SV2C: variants seen among roughly 807,000 people sequenced by gnomAD.
The protein encoded by SV2C is synaptic vesicle glycoprotein 2C, also known as solute carrier family 22 member B3.
SV2C carries 49 observed loss-of-function variants against 79.7 expected under a neutral mutation model. The observed-to-expected ratio is 0.61, with a 90% CI of 0.49 to 0.78. SV2C has a LOEUF of 0.78. Among genes scored for constraint, SV2C ranks in the 30% least tolerant of loss-of-function variants. The pLI is 0.00. For synonymous variants in SV2C, 334 were observed against 333.2 expected, an observed-to-expected ratio of 1.00 and a Z score of -0.03; for missense variants, 833 against 912.9, an observed-to-expected ratio of 0.91 and a Z score of 1.13.
intron 4 of SV2C, among the ~76,000 whole-genome samples, chr5:76,274,514 C>T (rs1746963620): frequency 1.3e-5 from 2 of 151,978 alleles, no homozygotes; most frequent in Non-Finnish European, 2.9e-5. Flanking sequence ...TTTCACTGAG[C>T]AATGTCACTT....
rs147217527 is a variant in SV2C, at chr5:76,143,735, A to G, written c.580+11405A>G. ...TTTCTGCCTTCCTAGTAGTGGTTCTACATCTTCTAGGATTGTGGTTTTAAC... is the reference window on the plus strand; with the variant it reads ...TTTCTGCCTTCCTAGTAGTGGTTCTGCATCTTCTAGGATTGTGGTTTTAAC... On this transcript the variant is annotated intron_variant, in intron 2 of 12. Transcript: ENST00000502798. Among the ~76,000 whole-genome samples, 7 of 152,284 alleles carry G rather than the reference A, an allele frequency of 4.6e-5. No homozygotes were observed. In the East Asian group the frequency reaches 1.4e-3, roughly 29 times the overall value.
chr5:76,160,744 G>T (rs1742874593), intron 2 of SV2C, among the ~76,000 whole-genome samples: 2 of 152,286 alleles, frequency 1.3e-5, no homozygotes, highest in East Asian at 1.9e-4. Flanking sequence ...ATTTCTCCAA[G>T]AAATATTTTC....
the SV2C span, among the ~76,000 whole-genome samples, chr5:76,006,635 T>C: frequency 1.1e-4 from 17 of 152,258 alleles, no homozygotes; most frequent in Middle Eastern, 3.4e-3. Context: ...CTCCCTGGGA[T>C]TGGGAGTGTT....
the SV2C span, among the ~76,000 whole-genome samples, chr5:75,963,393 C>T: frequency 5.5e-4 from 83 of 152,140 alleles, no homozygotes; most frequent in African/African-American, 2.0e-3. Flanking sequence ...TTCTGGCCTC[C>T]CTTATGATTC....
intron 4 of SV2C, among the ~76,000 whole-genome samples, chr5:76,222,842 C>G (rs1745107618): frequency 3.3e-5 from 5 of 152,156 alleles, no homozygotes; most frequent in African/African-American, 1.2e-4. Flanking sequence ...ACTATTACTA[C>G]CCTTTTTTGA....
chr5:76,068,987 T>C, the SV2C span, among the ~76,000 whole-genome samples: 1 of 152,072 alleles, frequency 6.6e-6, no homozygotes, highest in Non-Finnish European at 1.5e-5. Context: ...AAAAATGAAG[T>C]GCAAAGAAAA....
At chr5:76,222,676 A>G (rs1235949678) in intron 4 of SV2C, among the ~76,000 whole-genome samples, 1 of 152,248 alleles carries the variant, frequency 6.6e-6, no homozygotes, top group East Asian at 1.9e-4. Flanking sequence ...GATGAAGTGT[A>G]CATGGGATCT....
intron 3 of SV2C, among the ~76,000 whole-genome samples, chr5:76,201,238 T>C (rs1367689919): frequency 1.3e-4 from 20 of 152,184 alleles, no homozygotes; most frequent in African/African-American, 4.8e-4. Context: ...CTCCCCTCTT[T>C]TGTTATAGAA....
At chr5:76,079,607 A>G (rs1025441731), upstream of SV2C, 2 of 341,306 alleles carry the variant, frequency 5.9e-6, no homozygotes, top group Non-Finnish European at 1.2e-5. Context: ...GAAATATTTT[A>G]CACAGGCAAA....
At chr5:76,054,137 C>T in the SV2C span, among the ~76,000 whole-genome samples, 1 of 152,016 alleles carries the variant, frequency 6.6e-6, no homozygotes, top group Non-Finnish European at 1.5e-5. Context: ...AAATGCTCTC[C>T]CTCCCTTTAC....
the SV2C span, among the ~76,000 whole-genome samples, chr5:76,045,833 G>T: frequency 2.0e-5 from 3 of 152,292 alleles, no homozygotes; most frequent in South Asian, 4.1e-4. Context: ...AAGAAGCTGT[G>T]CTGGGGAGAG....
chr5:76,086,937 G>A (rs1325212846), intron 1 of SV2C, among the ~76,000 whole-genome samples: 1 of 152,172 alleles, frequency 6.6e-6, no homozygotes, highest in East Asian at 1.9e-4. Context: ...GAGAGGTATT[G>A]AACAAAATGA....
the SV2C span, among the ~76,000 whole-genome samples, chr5:76,001,336 C>T: frequency 6.6e-6 from 1 of 152,132 alleles, no homozygotes; most frequent in South Asian, 2.1e-4. Flanking sequence ...CGCGGTGGCT[C>T]ATGCCTGTAA....
intron 1 of SV2C, among the ~76,000 whole-genome samples, chr5:76,120,250 T>C (rs1013034535): frequency 2.0e-5 from 3 of 151,236 alleles, no homozygotes; most frequent in Admixed American, 6.6e-5. Context: ...TATATACTTA[T>C]GAAAAATAAG....
chr5:75,948,309 C>A, the SV2C span, among the ~76,000 whole-genome samples: 1 of 152,026 alleles, frequency 6.6e-6, no homozygotes, highest in Non-Finnish European at 1.5e-5. Context: ...GATAATTAAA[C>A]AGCTTTCTTT....
chr5:76,312,251 AC>A (rs1748468341), intron 12 of SV2C, among the ~76,000 whole-genome samples: 2 of 140,790 alleles, frequency 1.4e-5, no homozygotes, highest in East Asian at 4.1e-4. Context: ...CTCAGGGGCC[AC>A]TTTTTTTTTT....
the SV2C span, among the ~76,000 whole-genome samples, chr5:75,952,433 C>A: frequency 1.3e-3 from 193 of 151,586 alleles, 2 homozygotes; most frequent in Non-Finnish European, 2.4e-3. Flanking sequence ...TTATTGTGGT[C>A]GTGTGGTTTG....
the SV2C span, among the ~76,000 whole-genome samples, chr5:76,040,055 ATTAAT>A: frequency 1.3e-5 from 2 of 152,234 alleles, no homozygotes; most frequent in African/African-American, 4.8e-5. Flanking sequence ...GTATATGTGT[ATTAAT>A]TTATAATAAG....
the SV2C span, chr5:75,910,509 G>A: frequency 1.6e-6 from 1 of 620,706 alleles, no homozygotes; most frequent in East Asian, 3.4e-5. Flanking sequence ...GCCTGTTGAT[G>A]GTAGAAGTTG....
Sources: allele counts gnomAD v4.1 joint callset (sites outside exome capture counted in the v4.1 genomes callset), GRCh38; gene constraint gnomAD v4.1.1; transcripts MANE v1.5; gene names NCBI Gene and HGNC (gene_info 2026-07-23, HGNC 2026-07-21).